Variants in PTGR1 observed in about 807,000 individuals in gnomAD.
PTGR1 encodes the protein 15-oxoprostaglandin 13-reductase.
PTGR1 carries 23 observed loss-of-function variants against 37.7 expected under a neutral mutation model. The observed-to-expected ratio is 0.61, with a 90% confidence interval of 0.44 to 0.86. The LOEUF (loss-of-function observed/expected upper bound fraction) is 0.86, where lower values mean the gene tolerates loss of function less well. Ranked by LOEUF, PTGR1 falls within the 40% of genes least tolerant of loss-of-function variation. The probability of loss-of-function intolerance (pLI) is 0.00; values close to 1 mark genes in which losing one functional copy is unlikely to be tolerated. For synonymous variants in PTGR1, 134 were observed against 140.0 expected (o/e 0.96, Z 0.30); for missense variants, 351 against 394.3 (o/e 0.89, Z 0.93).
intron 9 of PTGR1, among the ~76,000 whole-genome samples, chr9:111,557,474 C>T (rs1331706255): frequency 1.3e-5 from 2 of 151,456 alleles, no homozygotes; most frequent in Non-Finnish European, 2.9e-5. Context: ...GAGATGGAGT[C>T]TCGCTCTGTC....
At chr9:111,557,148 C>G (rs1828147260) in intron 9 of PTGR1, among the ~76,000 whole-genome samples, 1 of 152,148 alleles carries the variant, frequency 6.6e-6, no homozygotes, top group Non-Finnish European at 1.5e-5. Flanking sequence ...AATTCCTCCC[C>G]AGAAAATTGG....
intron 9 of PTGR1, among the ~76,000 whole-genome samples, chr9:111,554,807 G>A (rs75707025): frequency 0.028 from 4,257 of 152,242 alleles, 117 homozygotes; most frequent in East Asian, 0.15. Context: ...CTTTGAATAA[G>A]GGGAGACCAC....
At chr9:111,598,364 G>T (rs1564624907) in intron 1 of PTGR1, among the ~76,000 whole-genome samples, 1 of 152,180 alleles carries the variant, frequency 6.6e-6, no homozygotes, top group Non-Finnish European at 1.5e-5. Flanking sequence ...AGCTGCCAGT[G>T]ATCTCCCCAG....
At chr9:111,570,966 C>T (rs550674486) in intron 8 of PTGR1, among the ~76,000 whole-genome samples, 7 of 152,252 alleles carry the variant, frequency 4.6e-5, no homozygotes, top group Non-Finnish European at 8.8e-5. Flanking sequence ...GCCTATGCCC[C>T]TGGCTTTGAG....
downstream of PTGR1, among the ~76,000 whole-genome samples, chr9:111,561,571 T>C (rs535227183): frequency 1.3e-5 from 2 of 152,244 alleles, no homozygotes; most frequent in South Asian, 4.1e-4. Context: ...CCTTCAGTAA[T>C]GTTTTAAGTT....
intron 9 of PTGR1, among the ~76,000 whole-genome samples, chr9:111,565,183 C>T (rs1828501912): frequency 6.6e-6 from 1 of 151,862 alleles, no homozygotes; most frequent in Admixed American, 6.6e-5. Flanking sequence ...ATCAATATGA[C>T]TGGTGTGCTT....
intron 4 of PTGR1, chr9:111,592,422 C>T (rs1427825510): frequency 6.5e-6 from 1 of 153,712 alleles, no homozygotes; most frequent in Non-Finnish European, 1.4e-5. Context: ...ACCATCTCAC[C>T]TCATAATCAA....
intron 6 of PTGR1, among the ~76,000 whole-genome samples, chr9:111,579,324 G>A (rs980122392): frequency 1.6e-4 from 24 of 151,894 alleles, no homozygotes; most frequent in African/African-American, 3.9e-4. Context: ...CTATTATTTT[G>A]TCTCAGCTCT....
At chr9:111,567,380 G>C (rs1000875778) in intron 9 of PTGR1, among the ~76,000 whole-genome samples, 1 of 152,098 alleles carries the variant, frequency 6.6e-6, no homozygotes, top group Non-Finnish European at 1.5e-5. Flanking sequence ...TAGAGACAGG[G>C]TTTCACCATG....
intron 9 of PTGR1, 78 bp downstream of exon 9, chr9:111,570,013 G>A (rs1166487252): frequency 6.3e-7 from 1 of 1,591,488 alleles, no homozygotes; most frequent in Non-Finnish European, 8.6e-7. Flanking sequence ...GGGAAGAATT[G>A]GTAGAACAAA....
At chr9:111,566,208 T>A (rs113085949) in intron 9 of PTGR1, among the ~76,000 whole-genome samples, 9,982 of 150,980 alleles carry the variant, frequency 0.066, 535 homozygotes, top group African/African-American at 0.14. Flanking sequence ...ATGTCAAAAA[T>A]AAATAAATAA....
At chr9:111,559,088 G>A (rs997298710), downstream of PTGR1, among the ~76,000 whole-genome samples, 1 of 152,058 alleles carries the variant, frequency 6.6e-6, no homozygotes, top group African/African-American at 2.4e-5. Flanking sequence ...CATGCTGCCA[G>A]GTAGAAGCTC....
intron 9 of PTGR1, among the ~76,000 whole-genome samples, chr9:111,550,722 C>T (rs1251855967): frequency 1.3e-5 from 2 of 152,212 alleles, no homozygotes; most frequent in Admixed American, 6.5e-5. Flanking sequence ...TCCAGCTCTA[C>T]TATTAAATGT....
At chr9:111,553,835 A>G (rs934525564) in intron 9 of PTGR1, among the ~76,000 whole-genome samples, 5 of 152,364 alleles carry the variant, frequency 3.3e-5, no homozygotes, top group East Asian at 3.9e-4. Context: ...GCTCTACGCA[A>G]TCCTAGCCAC....
chr9:111,566,121 C>G (rs930048554), intron 9 of PTGR1, among the ~76,000 whole-genome samples: 1 of 151,952 alleles, frequency 6.6e-6, no homozygotes, highest in Non-Finnish European at 1.5e-5. Context: ...GAGAATCACT[C>G]GAACCCAGGA....
chr9:111,572,149 A>G (rs939063378), intron 8 of PTGR1, among the ~76,000 whole-genome samples: 2 of 152,236 alleles, frequency 1.3e-5, no homozygotes, highest in Non-Finnish European at 2.9e-5. Context: ...GATTACTTTG[A>G]GGAAAGTAAC....
At chr9:111,549,936 A>T (rs1827890572) in intron 9 of PTGR1, 1 of 588,150 alleles carries the variant, frequency 1.7e-6, no homozygotes, top group South Asian at 2.2e-5. Flanking sequence ...AATGGTCAAT[A>T]CTTGTTTCTT....
intron 9 of PTGR1, 177 bp from the exon 10 acceptor site, chr9:111,563,408 C>A: frequency 1.9e-6 from 1 of 534,524 alleles, no homozygotes. Context: ...TTACACAGTA[C>A]ATGTAAAAAA....
chr9:111,590,278 A>G lies in PTGR1; in HGVS notation c.209+2648T>C, dbSNP rs1417211939. On this transcript the variant is annotated intron_variant, in intron 4 of 9. Transcript: ENST00000407693. ...CAAACTAAACTAAGCATAAAGTATC[A>G]TTATATTTATCTCAGGTTGCCGAGA... 3.3e-5 allele frequency among the ~76,000 whole-genome samples: 5 copies of G among 152,254 alleles called. No homozygotes were observed. In the East Asian group the frequency reaches 7.7e-4, roughly 23 times the overall value.
Sources: gnomAD v4.1 joint callset for allele counts (sites outside exome capture counted in the v4.1 genomes callset) on GRCh38, gnomAD v4.1.1 for gene constraint, MANE v1.5 for transcripts, NCBI Gene and HGNC (gene_info 2026-07-23, HGNC 2026-07-21) for gene names.